The following EML2 variants were observed in gnomAD, a reference collection of about 807,000 sequenced individuals.
EML2 encodes echinoderm microtubule-associated protein-like 2.
A neutral mutation model predicts 84.7 loss-of-function variants in EML2; 59 were observed. The ratio of observed to expected loss-of-function variants is 0.70; its 90% CI spans 0.56 to 0.86. EML2 has a LOEUF of 0.86. EML2 is among the 40% of genes least tolerant of loss of function. The probability of loss-of-function intolerance (pLI) is 0.00; values close to 1 mark genes in which losing one functional copy is unlikely to be tolerated. For synonymous variants in EML2, 352 were observed against 348.9 expected (o/e 1.01, Z -0.10); for missense variants, 818 against 855.6 (o/e 0.96, Z 0.55).
At chr19:45,633,495 T>G (rs1973328081) in intron 4 of EML2, among the ~76,000 whole-genome samples, 1 of 151,598 alleles carries the variant, frequency 6.6e-6, no homozygotes, top group African/African-American at 2.4e-5. Flanking sequence ...TCCCAGCACT[T>G]TGGGAGGCCG....
chr19:45,621,673 A>T, intron 9 of EML2, 36 bp from the exon 10 acceptor site: 1 of 1,594,712 alleles, frequency 6.3e-7, no homozygotes, highest in Non-Finnish European at 8.5e-7. Flanking sequence ...AACAGGGAGA[A>T]GCCACCCCTA....
intron 17 of EML2, 112 bp from the exon 18 acceptor site, chr19:45,613,783 A>T (rs1033788218): frequency 7.6e-7 from 1 of 1,321,550 alleles, no homozygotes; most frequent in African/African-American, 1.5e-5. Context: ...GCCTGTATCT[A>T]TCCGAGGATA....
At chr19:45,644,975 C>T, upstream of EML2, 2 of 511,000 alleles carry the variant, frequency 3.9e-6, no homozygotes, top group Non-Finnish European at 7.2e-6. Flanking sequence ...GAGTTCCAGG[C>T]CCAATCGACC....
upstream of EML2, among the ~76,000 whole-genome samples, chr19:45,643,417 A>G (rs1974769523): frequency 6.6e-6 from 1 of 151,728 alleles, no homozygotes; most frequent in Admixed American, 6.6e-5. Flanking sequence ...CCCCTTCTTT[A>G]TTTCGCCTCT....
At chr19:45,632,831 G>A (rs1372878311) in intron 6 of EML2, 30 bp downstream of exon 6, 1 of 1,593,650 alleles carries the variant, frequency 6.3e-7, no homozygotes, top group South Asian at 1.1e-5. Flanking sequence ...CGGGGCGAAG[G>A]GGCGGGGTTA....
chr19:45,638,575 C>T lies in EML2; in HGVS notation c.109G>A (p.Glu37Lys), dbSNP rs139061480. The T allele has an allele frequency of 9.9e-6, 16 of 1,613,998 alleles. No individual in the cohort carries two copies. The Admixed American group carries it at 1.0e-4, about 10-fold the overall frequency. Residue 37 changes from glutamate (E) to lysine (K), a missense_variant, in exon 3 of 19, where the codon GAG becomes AAG. Coordinates refer to ENST00000245925, the MANE Select transcript of EML2 (RefSeq NM_012155.4). ...TCCAGGCTGTAGGTGGGTGCCAGCT[C>T]GTCTGGGATCATCATGGGCACAGGG... ...GRPVPMMIPD[E>K]LAPTYSLDTR...
At position 45,634,386 on chromosome 19, in the gene EML2, C is replaced by G; in HGVS notation, c.265G>C (p.Val89Leu). The change falls in exon 4 of 19, where the codon GTG becomes CTG. Residue 89 changes from valine to leucine, a missense_variant. Val to Leu is a conservative substitution (Grantham distance 32, BLOSUM62 1). Coordinates refer to ENST00000245925, the MANE Select transcript of EML2 (RefSeq NM_012155.4). ...CTCTGCTCCTCCACGCTGTATAGCA[C>G]GGCTACGGAGGCCACAAAGTACACT... ...EIVYFVASVA[V>L]LYSVEEQRQR... is the part of the protein sequence containing the mutation. The G allele has an allele frequency of 3.1e-6, 5 of 1,614,084 alleles. No homozygotes were observed. The South Asian group carries it at 5.5e-5, about 18-fold the overall frequency.
At chr19:45,626,624 C>T in intron 8 of EML2, 81 bp downstream of exon 8, 1 of 1,500,906 alleles carries the variant, frequency 6.7e-7, no homozygotes, top group South Asian at 1.3e-5. Flanking sequence ...CTGCCACCCT[C>T]TGGGGGATCT....
upstream of EML2, chr19:45,645,163 G>T (rs1368840791): frequency 8.9e-6 from 11 of 1,234,298 alleles, no homozygotes; most frequent in Admixed American, 2.8e-4. Context: ...GAGAAAAGGG[G>T]GATCTTCAGC....
At chr19:45,642,154 C>T (rs1448458526), upstream of EML2, 17 of 1,513,236 alleles carry the variant, frequency 1.1e-5, no homozygotes, top group South Asian at 1.2e-4. Flanking sequence ...GGTGCCTAAG[C>T]GCGGAGGCGC....
chr19:45,633,846 G>A (rs1973381206), intron 4 of EML2, among the ~76,000 whole-genome samples: 1 of 152,210 alleles, frequency 6.6e-6, no homozygotes, highest in African/African-American at 2.4e-5. Flanking sequence ...CTGGACTTCA[G>A]CGATCCTTCC....
chr19:45,634,601 G>A (rs927951567), intron 3 of EML2, 130 bp from the exon 4 acceptor site: 70 of 609,892 alleles, frequency 1.1e-4, no homozygotes, highest in African/African-American at 8.0e-4. Flanking sequence ...TCACTCTGTC[G>A]CCCAGGCTGG....
In EML2 at chr19:45,617,497, G is replaced by A. The variant is rs1361618373; in HGVS notation, c.1322+133C>T. On this transcript the variant is annotated intron_variant, in intron 13 of 18. Coordinates refer to ENST00000245925, the MANE Select transcript of EML2 (RefSeq NM_012155.4). Reference sequence around the variant, plus strand: ...CGCTTGAACCTGGGAGGCAGAGGCTGCAGTGAGCCAGAGGAATATTGAGGG... The same window carrying A: ...CGCTTGAACCTGGGAGGCAGAGGCTACAGTGAGCCAGAGGAATATTGAGGG... 9 of 739,902 alleles carry A rather than the reference G, an allele frequency of 1.2e-5. No homozygotes were observed. The East Asian group carries it at 2.6e-4, about 22-fold the overall frequency. The allele number at this position is 739,902 out of a possible 1,614,324, so 45.8% of individuals were successfully genotyped here.
In EML2 at chr19:45,638,445, C is replaced by A. The variant is rs1389338226; in HGVS notation, c.179+60G>T. 2.5e-6 allele frequency: 4 copies of A among 1,609,804 alleles called. No individual in the cohort carries two copies. In the African/African-American group the frequency reaches 5.3e-5, roughly 22 times the overall value. ...GATTACAGGCCTGAGCTGCCTTGAC[C>A]GCCTTTCTATTTCCTCCTGGGGGGA... On this transcript the variant is annotated intron_variant, in intron 3 of 18. Transcript: ENST00000245925.
intron 17 of EML2, among the ~76,000 whole-genome samples, 161 bp downstream of exon 17, chr19:45,614,444 C>T (rs1000888158): frequency 6.6e-6 from 1 of 152,184 alleles, no homozygotes; most frequent in South Asian, 2.1e-4. Flanking sequence ...TCTAATGAGT[C>T]ATCTCACCCT....
upstream of EML2, chr19:45,642,262 G>T (rs1216761315): frequency 1.3e-6 from 2 of 1,535,962 alleles, no homozygotes; most frequent in Non-Finnish European, 8.7e-7. Flanking sequence ...CTTTAGGACC[G>T]CCAGCTCGTC....
At chr19:45,622,201 A>G (rs1393176219) in intron 9 of EML2, among the ~76,000 whole-genome samples, 3 of 151,898 alleles carry the variant, frequency 2.0e-5, no homozygotes, top group African/African-American at 7.3e-5. Context: ...ACACCCACCC[A>G]TCCATCCATC....
upstream of EML2, chr19:45,643,741 C>A: frequency 6.6e-7 from 1 of 1,523,140 alleles, no homozygotes; most frequent in Non-Finnish European, 8.8e-7. Flanking sequence ...GCCGCCGCTC[C>A]TCCCTCCTTC....
intron 3 of EML2, among the ~76,000 whole-genome samples, chr19:45,637,667 CTTTTTTTTTTT>C (rs58180181): frequency 3.5e-4 from 17 of 48,918 alleles, no homozygotes; most frequent in East Asian, 2.6e-3. Context: ...TTTTTCTTTT[CTTTTTTTTTTT>C]TTTTTTTTTT....
Sources: allele counts gnomAD v4.1 joint callset (sites outside exome capture counted in the v4.1 genomes callset), GRCh38; gene constraint gnomAD v4.1.1; transcripts MANE v1.5; gene names NCBI Gene and HGNC (gene_info 2026-07-23, HGNC 2026-07-21).